The following TAF5L variants were observed in gnomAD, a reference collection of about 807,000 sequenced individuals.
TAF5L encodes the protein TATA-box binding protein associated factor 5 like, also known as TAF5-like RNA polymerase II p300/CBP-associated factor-associated factor 65 kDa subunit 5L.
TAF5L carries 7 observed loss-of-function variants against 51.3 expected under a neutral mutation model. The ratio of observed to expected loss-of-function variants is 0.14; its 90% CI spans 0.08 to 0.26. TAF5L has a LOEUF of 0.26. TAF5L is among the 10% of genes least tolerant of loss of function. TAF5L has a pLI of 1.00. For missense variants in TAF5L, 575 were observed against 758.9 expected (o/e 0.76, Z 2.85); for synonymous variants, 291 against 308.1 (o/e 0.94, Z 0.58).
At chr1:229,606,757 G>A in intron 3 of TAF5L, 1 of 985,418 alleles carries the variant, frequency 1.0e-6, no homozygotes, top group Non-Finnish European at 1.2e-6. Flanking sequence ...GTCACAGCTG[G>A]CCCTGGTTCA....
intron 3 of TAF5L, among the ~76,000 whole-genome samples, chr1:229,605,124 A>G (rs1664540938): frequency 6.7e-6 from 1 of 150,000 alleles, no homozygotes; most frequent in Admixed American, 6.6e-5. Flanking sequence ...ATATATATAT[A>G]TGTATTTTTT....
chr1:229,607,023 T>C lies in TAF5L; in HGVS notation c.247+3083A>G, dbSNP rs1299655906. On this transcript the variant is annotated intron_variant, in intron 3 of 4. Transcript: ENST00000258281. ...TGCTACATGTTCTTTATTACAAGTC[T>C]TTATCTTTCTCCTAAATCCTAGCCT... The C allele has an allele frequency of 6.1e-6, 6 of 985,366 alleles. No homozygotes were observed. The East Asian group carries it at 4.5e-4, about 74-fold the overall frequency. The allele number at this position is 985,366 out of a possible 1,614,324, so 61.0% of individuals were successfully genotyped here.
intron 4 of TAF5L, chr1:229,599,333 A>G: frequency 2.3e-6 from 1 of 442,972 alleles, no homozygotes. Context: ...AAAGTGTACA[A>G]TTCAATGATT....
chr1:229,600,657 G>A, intron 4 of TAF5L: 1 of 985,304 alleles, frequency 1.0e-6, no homozygotes, highest in Non-Finnish European at 1.2e-6. Flanking sequence ...CCTAACTCCA[G>A]CCATACTTAA....
rs1482295200 is a variant in TAF5L at position 229,614,490 on chromosome 1, A to G, written c.-3-5T>C. 6.2e-7 allele frequency: 1 copy of G among 1,613,832 alleles called. No individual in the cohort carries two copies. Among genetic ancestry groups the G allele is most frequent in the Non-Finnish European group, 8.5e-7 (1 of 1,179,830 alleles). On this transcript the variant is annotated splice_polypyrimidine_tract_variant and splice_region_variant and intron_variant, in intron 1 of 4. Transcript: ENST00000258281. ...GGTACGCACTCGTTTCATGACCTTCAAGGGAGGCAACGACAGGATACAGAG... is the reference window on the plus strand; with the variant it reads ...GGTACGCACTCGTTTCATGACCTTCGAGGGAGGCAACGACAGGATACAGAG...
intron 1 of TAF5L, among the ~76,000 whole-genome samples, chr1:229,624,356 T>A (rs10916531): frequency 0.39 from 58,617 of 152,080 alleles, 11,946 homozygotes; most frequent in South Asian, 0.48. Flanking sequence ...CGCTGATTTT[T>A]AAGGCAGGAA....
rs1664612967 is a variant in TAF5L, at chr1:229,606,857, ATCTC to A, written c.247+3245_247+3248del. 4 of 985,320 alleles carry A rather than the reference ATCTC, an allele frequency of 4.1e-6. No individual in the cohort carries two copies. The African/African-American group carries it at 7.0e-5, about 17-fold the overall frequency. The allele number at this position is 985,320 out of a possible 1,614,324, so 61.0% of individuals were successfully genotyped here. A position where few individuals can be genotyped will look rare whatever the true frequency, so the allele number is the denominator to read the frequency against. Reference sequence around the variant, plus strand: ...CTACGGCAATAGGTGAGCTCACAGAATCTCTCATCTACAGACAACCTGTGGAGGA... The same window carrying A: ...CTACGGCAATAGGTGAGCTCACAGAATCATCTACAGACAACCTGTGGAGGA... On this transcript the variant is annotated intron_variant, in intron 3 of 4. Transcript: ENST00000258281.
intron 4 of TAF5L, chr1:229,601,607 C>T (rs1265808266): frequency 3.0e-6 from 3 of 986,038 alleles, no homozygotes; most frequent in African/African-American, 3.5e-5. Flanking sequence ...AACTCTACTT[C>T]CTGTGTTACT....
rs1434808821 is a variant in TAF5L at position 229,602,444 on chromosome 1, G to C, written c.723C>G (p.Val241=). The change falls in exon 4 of 5, where the codon GTC becomes GTG. Residue 241 remains valine, a synonymous_variant. Transcript: ENST00000258281. The surrounding 1 kb of genome is among the most constrained non-coding windows in gnomAD (Gnocchi z 4.6). ...TGACTCGCTTAATGCTCTCCTGTAA[G>C]ACCTCTAGGGCAGCCTCGTTCTGCA... is the stretch of plus-strand genomic sequence containing the variant. 1.1e-5 allele frequency: 18 copies of C among 1,614,034 alleles called. No homozygotes were observed. The highest frequency in any genetic ancestry group is 1.4e-5 in the Non-Finnish European group (17 of 1,180,016).
intron 2 of TAF5L, chr1:229,614,061 C>A: frequency 1.6e-6 from 1 of 612,514 alleles, no homozygotes; most frequent in Non-Finnish European, 2.9e-6. Flanking sequence ...GTTGCACGTA[C>A]TTTCAGGTAC....
chr1:229,614,515 G>A (rs1427594768), intron 1 of TAF5L, 30 bp from the exon 2 acceptor site: 1 of 1,609,486 alleles, frequency 6.2e-7, no homozygotes, highest in Admixed American at 1.7e-5. Context: ...AGGATACAGA[G>A]ACATCAGGGG....
chr1:229,595,784 G>A (rs1664101651), intron 4 of TAF5L, among the ~76,000 whole-genome samples: 1 of 152,152 alleles, frequency 6.6e-6, no homozygotes, highest in African/African-American at 2.4e-5. Flanking sequence ...TCCTGCCTCA[G>A]CATCCCAAGT....
intron 2 of TAF5L, among the ~76,000 whole-genome samples, chr1:229,611,674 C>T (rs1664796985): frequency 1.3e-5 from 2 of 152,148 alleles, no homozygotes; most frequent in Admixed American, 6.5e-5. Context: ...CTCCCATTAC[C>T]ACTTCCTCAA....
At chr1:229,619,344 G>C (rs4424548) in intron 1 of TAF5L, among the ~76,000 whole-genome samples, 1 of 152,112 alleles carries the variant, frequency 6.6e-6, no homozygotes, top group South Asian at 2.1e-4. Context: ...TCTTTGCTCA[G>C]ACTGACATAA....
intron 4 of TAF5L, chr1:229,599,672 A>C: frequency 7.4e-6 from 2 of 270,758 alleles, no homozygotes; most frequent in Non-Finnish European, 1.1e-5. Context: ...CATTTTATTT[A>C]TTCATTCATC....
At chr1:229,598,755 G>C (rs1664230465) in intron 4 of TAF5L, among the ~76,000 whole-genome samples, 2 of 150,162 alleles carry the variant, frequency 1.3e-5, no homozygotes, top group Non-Finnish European at 3.0e-5. Context: ...CTGGAGTGCA[G>C]TGGCGCGGTC....
chr1:229,623,297 A>AAAACT (rs1665292920), intron 1 of TAF5L, among the ~76,000 whole-genome samples: 1 of 152,252 alleles, frequency 6.6e-6, no homozygotes, highest in African/African-American at 2.4e-5. Context: ...AAAACAAAAC[A>AAAACT]AAATACTTTC....
At chr1:229,611,513 C>T (rs1664785144) in intron 2 of TAF5L, among the ~76,000 whole-genome samples, 1 of 152,120 alleles carries the variant, frequency 6.6e-6, no homozygotes, top group African/African-American at 2.4e-5. Context: ...GAAAGCCAAC[C>T]TACTCCAGGA....
intron 1 of TAF5L, among the ~76,000 whole-genome samples, chr1:229,615,774 C>T (rs575126348): frequency 6.6e-6 from 1 of 152,270 alleles, no homozygotes; most frequent in African/African-American, 2.4e-5. Flanking sequence ...TTGGGGTTCA[C>T]TTCTGTCATG....
Sources: gnomAD v4.1 joint callset for allele counts (sites outside exome capture counted in the v4.1 genomes callset) on GRCh38, gnomAD v4.1.1 for gene constraint, Gnocchi (gnomAD v3.1) non-coding constraint, MANE v1.5 for transcripts, NCBI Gene and HGNC (gene_info 2026-07-23, HGNC 2026-07-21) for gene names.